Variants in SIPA1L1 observed in about 807,000 individuals in gnomAD.
SIPA1L1 encodes signal induced proliferation associated 1 like 1, also known as signal-induced proliferation-associated 1-like protein 1.
SIPA1L1 carries 26 observed loss-of-function variants against 162.7 expected under a neutral mutation model. The ratio of observed to expected loss-of-function variants is 0.16; its 90% CI spans 0.12 to 0.22. The LOEUF (loss-of-function observed/expected upper bound fraction) is 0.22. SIPA1L1 is among the 10% of genes least tolerant of loss of function. SIPA1L1 has a pLI of 1.00. For synonymous variants in SIPA1L1, 829 were observed against 837.4 expected, an observed-to-expected ratio of 0.99 and a Z score of 0.17; for missense variants, 1,874 against 2,241.0, an observed-to-expected ratio of 0.84 and a Z score of 3.31.
chr14:71,365,907 T>TTTTTTTTA (rs71105773), intron 2 of SIPA1L1, among the ~76,000 whole-genome samples: 1 of 140,028 alleles, frequency 7.1e-6, no homozygotes, highest in Non-Finnish European at 1.5e-5. Context: ...TTTTTTTTTT[T>TTTTTTTTA]AAGAGATGGG....
In SIPA1L1 at chr14:71,740,682, A is replaced by G. The variant is rs185875999; in HGVS notation, c.*1521A>G. ...TACCAGATTTTTATGCTACAGTTTC[A>G]TTCTTGATTGTGATTTCTCCATGGA... On this transcript the variant is annotated 3_prime_UTR_variant, in exon 24 of 24. Coordinates refer to ENST00000381232, the MANE Select transcript of SIPA1L1 (RefSeq NM_001386936.1). 6.6e-6 allele frequency: 1 copy of G among 152,080 alleles called. No homozygotes were observed. Among genetic ancestry groups the G allele is most frequent in the East Asian group, 1.9e-4 (1 of 5,190 alleles). 9.4% of individuals were successfully genotyped at this position (152,080 alleles called of 1,614,324 possible).
Position 71,735,285 on chromosome 14 carries a change from G to C in SIPA1L1, c.5017G>C (p.Ala1673Pro). The C allele has an allele frequency of 6.2e-7, 1 of 1,612,200 alleles. No individual in the cohort carries two copies. The highest frequency in any genetic ancestry group is 1.1e-5 in the South Asian group (1 of 91,040). Residue 1673 changes from alanine to proline, a missense_variant, in exon 22 of 24, where the codon GCC becomes CCC. Around this residue, in one of 5 missense-constraint regions of SIPA1L1, gnomAD observed 936 missense variants for 1,051.9 expected, o/e 0.89. Transcript: ENST00000381232. ...TCTTCTCTCCTTTCCAGTCCAGAGA[G>C]CCTCATTTTTTGCTGCTAGTGATGA... ...DAAKAYEVQR[A>P]SFFAASDENH...
At chr14:71,362,983 AACAATT>A (rs2037949701) in intron 2 of SIPA1L1, among the ~76,000 whole-genome samples, 1 of 152,228 alleles carries the variant, frequency 6.6e-6, no homozygotes, top group Non-Finnish European at 1.5e-5. Context: ...GGTTACTTAA[AACAATT>A]AGAGAAGCAA....
At chr14:71,622,468 G>T (rs2039550562) in intron 6 of SIPA1L1, among the ~76,000 whole-genome samples, 1 of 152,148 alleles carries the variant, frequency 6.6e-6, no homozygotes, top group Admixed American at 6.5e-5. Flanking sequence ...TATGGCTCAG[G>T]ATGCAATGGC....
chr14:71,428,331 C>T (rs2043734662), intron 2 of SIPA1L1, among the ~76,000 whole-genome samples: 1 of 151,782 alleles, frequency 6.6e-6, no homozygotes, highest in Non-Finnish European at 1.5e-5. Flanking sequence ...AATGTGCCAA[C>T]TCTGGAAATC....
chr14:71,685,333 T>C (rs767993491), intron 12 of SIPA1L1, 29 bp from the exon 13 acceptor site: 1 of 1,609,652 alleles, frequency 6.2e-7, no homozygotes, highest in Non-Finnish European at 8.5e-7. Context: ...GTATCCATTG[T>C]GTTTCTCCCT....
At chr14:71,616,286 A>C (rs1481997053) in intron 5 of SIPA1L1, among the ~76,000 whole-genome samples, 4 of 152,200 alleles carry the variant, frequency 2.6e-5, no homozygotes, top group Non-Finnish European at 5.9e-5. Flanking sequence ...GAGCCAGGGA[A>C]GGACCAAAAG....
At chr14:71,681,232 C>T (rs576751343) in intron 12 of SIPA1L1, among the ~76,000 whole-genome samples, 6 of 151,950 alleles carry the variant, frequency 3.9e-5, no homozygotes, top group African/African-American at 7.3e-5. Context: ...TTCTCACCCC[C>T]CTGCTGTCAC....
chr14:71,722,771 T>G (rs1404308754), intron 17 of SIPA1L1, among the ~76,000 whole-genome samples: 6 of 152,244 alleles, frequency 3.9e-5, no homozygotes, highest in South Asian at 4.1e-4. Context: ...AGTCTCACTC[T>G]GTCACCTAGG....
intron 7 of SIPA1L1, among the ~76,000 whole-genome samples, chr14:71,642,688 A>T (rs1470664576): frequency 1.3e-5 from 2 of 152,178 alleles, no homozygotes; most frequent in East Asian, 3.9e-4. Context: ...TTTAATTAAA[A>T]ACTACAAGCA....
chr14:71,699,011 G>A lies in SIPA1L1; in HGVS notation c.3405G>A (p.Thr1135=), dbSNP rs755457747. 5.6e-6 allele frequency: 9 copies of A among 1,613,968 alleles called. No individual in the cohort carries two copies. The highest frequency in any genetic ancestry group is 2.7e-5 in the African/African-American group (2 of 74,894). Residue 1135 remains threonine (T), a synonymous_variant, in exon 14 of 24, where the codon ACG becomes ACA. Coordinates refer to ENST00000381232, the MANE Select transcript of SIPA1L1 (RefSeq NM_001386936.1). ...RLSPGSDIYV[T]VSSMALARSQ... Reference sequence around the variant, plus strand: ...CTCCTGGTTCGGACATCTATGTGACGGTCTCATCCATGGCTTTAGCAAGAT... The same window carrying A: ...CTCCTGGTTCGGACATCTATGTGACAGTCTCATCCATGGCTTTAGCAAGAT...
At chr14:71,517,146 CT>C (rs2051821327) in intron 3 of SIPA1L1, among the ~76,000 whole-genome samples, 1 of 151,400 alleles carries the variant, frequency 6.6e-6, no homozygotes, top group Non-Finnish European at 1.5e-5. Flanking sequence ...CATGGACTCA[CT>C]GTCATTTTCA....
At chr14:71,593,992 G>A (rs1202738691) in intron 5 of SIPA1L1, among the ~76,000 whole-genome samples, 1 of 152,184 alleles carries the variant, frequency 6.6e-6, no homozygotes, top group East Asian at 1.9e-4. Flanking sequence ...GACGACTAAT[G>A]CTTATGCACC....
intron 2 of SIPA1L1, among the ~76,000 whole-genome samples, chr14:71,446,108 T>C (rs1311931553): frequency 6.6e-6 from 1 of 152,174 alleles, no homozygotes; most frequent in African/African-American, 2.4e-5. Context: ...TTTGGCCTCA[T>C]AAAGTATTGG....
At chr14:71,710,897 G>T (rs1041316863) in intron 17 of SIPA1L1, among the ~76,000 whole-genome samples, 1 of 151,990 alleles carries the variant, frequency 6.6e-6, no homozygotes, top group African/African-American at 2.4e-5. Flanking sequence ...GGAAATCTAG[G>T]CACATAATCT....
intron 2 of SIPA1L1, among the ~76,000 whole-genome samples, chr14:71,355,518 G>A (rs190247577): frequency 3.3e-5 from 5 of 152,276 alleles, no homozygotes; most frequent in Admixed American, 3.3e-4. Flanking sequence ...CTGCAGTTGG[G>A]GAATGTTCTG....
chr14:71,702,524 C>G lies in SIPA1L1; in HGVS notation c.3646+19C>G, dbSNP rs201932749. 3.3e-4 allele frequency: 537 copies of G among 1,611,446 alleles called. 2 individuals are homozygous for G. The highest frequency in any genetic ancestry group is 1.5e-3 in the African/African-American group (116 of 74,988). On this transcript the variant is annotated intron_variant, in intron 15 of 23. Transcript: ENST00000381232. ...CAGATGGGTAAGTAATCAATTTCTA[C>G]AAGAAGAAAGTTGCTTTTACAAGGT...
At chr14:71,440,866 G>T (rs2044792620) in intron 2 of SIPA1L1, among the ~76,000 whole-genome samples, 1 of 152,044 alleles carries the variant, frequency 6.6e-6, no homozygotes, top group Non-Finnish European at 1.5e-5. Flanking sequence ...TGTAGGTATT[G>T]AGAAACCATT....
At chr14:71,470,878 C>T (rs1404000876) in intron 2 of SIPA1L1, among the ~76,000 whole-genome samples, 1 of 151,942 alleles carries the variant, frequency 6.6e-6, no homozygotes, top group African/African-American at 2.4e-5. Context: ...TGCTCTGTTG[C>T]CCAGGCTGGA....
Sources: allele counts gnomAD v4.1 joint callset (sites outside exome capture counted in the v4.1 genomes callset), GRCh38; gene constraint gnomAD v4.1.1; regional missense constraint gnomAD v4.1.1; transcripts MANE v1.5; gene names NCBI Gene and HGNC (gene_info 2026-07-23, HGNC 2026-07-21).